The following SPMAP2L variants were observed in gnomAD, a reference collection of about 807,000 sequenced individuals.
SPMAP2L encodes sperm microtubule associated protein 2-like.
chr4:56,536,256 C>T, the SPMAP2L span, among the ~76,000 whole-genome samples: 1 of 152,236 alleles, frequency 6.6e-6, no homozygotes, highest in African/African-American at 2.4e-5. Context: ...TGAACTTGAC[C>T]TGATATGTCC....
the SPMAP2L span, chr4:56,593,666 C>T: frequency 6.2e-4 from 997 of 1,603,872 alleles, 10 homozygotes; most frequent in East Asian, 0.017. Flanking sequence ...TTTTGCCGTC[C>T]GAGAAAGCTT....
At chr4:56,540,015 A>G in the SPMAP2L span, among the ~76,000 whole-genome samples, 2 of 152,366 alleles carry the variant, frequency 1.3e-5, no homozygotes, top group South Asian at 4.1e-4. Flanking sequence ...TAAAGTCAGC[A>G]TAAAAGTCAT....
the SPMAP2L span, among the ~76,000 whole-genome samples, chr4:56,619,941 T>C: frequency 2.2e-4 from 34 of 152,316 alleles, 1 homozygote; most frequent in East Asian, 6.0e-3. Flanking sequence ...GAGTGGCTGT[T>C]GTAGGATGGT....
At chr4:56,605,223 A>T in the SPMAP2L span, among the ~76,000 whole-genome samples, 3 of 152,172 alleles carry the variant, frequency 2.0e-5, no homozygotes, top group African/African-American at 7.2e-5. Flanking sequence ...CAGTGGGGAA[A>T]ATATGCCTTG....
the SPMAP2L span, among the ~76,000 whole-genome samples, chr4:56,603,695 C>T: frequency 6.6e-6 from 1 of 152,166 alleles, no homozygotes; most frequent in East Asian, 1.9e-4. Context: ...TCCCCAGTAA[C>T]TGATCCTACC....
the SPMAP2L span, among the ~76,000 whole-genome samples, chr4:56,570,381 A>G: frequency 3.9e-5 from 6 of 152,218 alleles, no homozygotes; most frequent in African/African-American, 1.4e-4. Context: ...GCACTCACAC[A>G]AACCTAGATG....
chr4:56,569,511 A>T, the SPMAP2L span, among the ~76,000 whole-genome samples: 39,629 of 150,560 alleles, frequency 0.26, 5,235 homozygotes, highest in East Asian at 0.31. Context: ...TTTTTTTTTT[A>T]AAAAAATGGG....
the SPMAP2L span, among the ~76,000 whole-genome samples, chr4:56,586,788 A>G: frequency 6.6e-6 from 1 of 152,282 alleles, no homozygotes; most frequent in African/African-American, 2.4e-5. Context: ...GAAGTCACAT[A>G]ACATTACAGC....
At chr4:56,593,433 C>T in the SPMAP2L span, 26 of 1,495,156 alleles carry the variant, frequency 1.7e-5, no homozygotes, top group Admixed American at 5.0e-5. Flanking sequence ...AAGATGTCAG[C>T]GGAGTGTTGT....
the SPMAP2L span, chr4:56,595,827 A>T: frequency 1.3e-6 from 1 of 756,078 alleles, no homozygotes; most frequent in East Asian, 2.4e-5. Flanking sequence ...GGAGTTTTAT[A>T]TACTGTGTAT....
the SPMAP2L span, among the ~76,000 whole-genome samples, chr4:56,590,941 A>G: frequency 1.3e-5 from 2 of 152,226 alleles, no homozygotes; most frequent in African/African-American, 4.8e-5. Flanking sequence ...TTACCTCTAC[A>G]TCTTACTGTG....
At chr4:56,593,773 TGA>T in the SPMAP2L span, 1 of 1,583,164 alleles carries the variant, frequency 6.3e-7, no homozygotes, top group Non-Finnish European at 8.7e-7. Flanking sequence ...AGCAACACAC[TGA>T]GAGAGACATG....
At chr4:56,533,459 A>G in the SPMAP2L span, among the ~76,000 whole-genome samples, 1 of 152,306 alleles carries the variant, frequency 6.6e-6, no homozygotes, top group East Asian at 1.9e-4. Flanking sequence ...ACCAGCATCT[A>G]TACATATGTA....
At chr4:56,595,559 G>T in the SPMAP2L span, 8 of 1,421,440 alleles carry the variant, frequency 5.6e-6, no homozygotes, top group East Asian at 1.8e-4. Context: ...ATTCCAGAGA[G>T]GTGGCAGCAT....
At chr4:56,542,971 C>T in the SPMAP2L span, among the ~76,000 whole-genome samples, 1 of 151,688 alleles carries the variant, frequency 6.6e-6, no homozygotes, top group African/African-American at 2.4e-5. Context: ...GAAATTATCA[C>T]GAGCCATCAG....
the SPMAP2L span, among the ~76,000 whole-genome samples, chr4:56,620,734 G>C: frequency 6.6e-6 from 1 of 152,206 alleles, no homozygotes; most frequent in Non-Finnish European, 1.5e-5. Context: ...GCCAGCTGAA[G>C]GCTGCATGCA....
the SPMAP2L span, among the ~76,000 whole-genome samples, chr4:56,572,799 T>A: frequency 6.6e-6 from 1 of 152,120 alleles, no homozygotes; most frequent in Non-Finnish European, 1.5e-5. Context: ...GTGGATCACC[T>A]GAGGTCAGGA....
At chr4:56,614,093 G>A in the SPMAP2L span, among the ~76,000 whole-genome samples, 10 of 152,250 alleles carry the variant, frequency 6.6e-5, no homozygotes, top group African/African-American at 1.9e-4. Context: ...ATAAGAATTC[G>A]AGGGGTCCGG....
At chr4:56,539,529 C>A in the SPMAP2L span, among the ~76,000 whole-genome samples, 1 of 152,300 alleles carries the variant, frequency 6.6e-6, no homozygotes, top group South Asian at 2.1e-4. Flanking sequence ...TCAAGCGATT[C>A]TCCTGCCTCA....
Sources: allele counts gnomAD v4.1 joint callset (sites outside exome capture counted in the v4.1 genomes callset), GRCh38; gene constraint gnomAD v4.1.1; transcripts MANE v1.5; gene names NCBI Gene and HGNC (gene_info 2026-07-23, HGNC 2026-07-21).